The following XRCC6 variants were observed in gnomAD, a reference collection of about 807,000 sequenced individuals.
XRCC6 encodes the protein X-ray repair cross complementing 6.
A neutral mutation model predicts 65.7 loss-of-function variants in XRCC6; 5 were observed. That is an observed-to-expected ratio of 0.08 (90% confidence interval 0.04 to 0.16). XRCC6 has a LOEUF of 0.16. XRCC6 is among the 10% of genes least tolerant of loss of function. The probability of loss-of-function intolerance (pLI) is 1.00; values close to 1 mark genes in which losing one functional copy is unlikely to be tolerated. For missense variants in XRCC6, 447 were observed against 738.1 expected, an observed-to-expected ratio of 0.61 and a Z score of 4.57; for synonymous variants, 270 against 270.6, an observed-to-expected ratio of 1.00 and a Z score of 0.02.
At chr22:41,649,183 T>C (rs2067970334) in intron 7 of XRCC6, among the ~76,000 whole-genome samples, 1 of 145,154 alleles carries the variant, frequency 6.9e-6, no homozygotes, top group Non-Finnish European at 1.5e-5. Flanking sequence ...TGTGTGTGTA[T>C]ATATATATCT....
At chr22:41,658,445 T>C in intron 11 of XRCC6, 93 bp downstream of exon 11, 1 of 1,168,898 alleles carries the variant, frequency 8.6e-7, no homozygotes, top group Non-Finnish European at 1.3e-6. Flanking sequence ...CCCAGTCCTC[T>C]CTAAACACTT....
At chr22:41,663,205 A>C (rs1367147892) in intron 12 of XRCC6, among the ~76,000 whole-genome samples, 1 of 152,198 alleles carries the variant, frequency 6.6e-6, no homozygotes, top group Non-Finnish European at 1.5e-5. Flanking sequence ...CCTGGGCTCG[A>C]GTGATCCTGC....
At chr22:41,634,960 T>C (rs2067794309) in intron 3 of XRCC6, among the ~76,000 whole-genome samples, 1 of 152,224 alleles carries the variant, frequency 6.6e-6, no homozygotes, top group Non-Finnish European at 1.5e-5. Flanking sequence ...TTAAACAGTT[T>C]TATTTCAAGG....
intron 11 of XRCC6, among the ~76,000 whole-genome samples, chr22:41,660,949 G>A (rs773321273): frequency 7.9e-5 from 12 of 151,594 alleles, no homozygotes; most frequent in Non-Finnish European, 1.6e-4. Context: ...CAGGAGAATC[G>A]CTTGAACCAG....
intron 8 of XRCC6, 64 bp from the exon 9 acceptor site, chr22:41,653,465 G>T: frequency 6.8e-7 from 1 of 1,463,786 alleles, no homozygotes; most frequent in Non-Finnish European, 9.2e-7. Context: ...AAACTTTAGG[G>T]CTAAAAGAGA....
At chr22:41,657,228 T>G (rs567138360) in intron 10 of XRCC6, among the ~76,000 whole-genome samples, 196 bp downstream of exon 10, 1 of 152,348 alleles carries the variant, frequency 6.6e-6, no homozygotes, top group South Asian at 2.1e-4. Flanking sequence ...ATTTTGTGGT[T>G]TCTCTGTTGT....
intron 2 of XRCC6, among the ~76,000 whole-genome samples, chr22:41,622,858 T>C (rs2067625390): frequency 6.6e-6 from 1 of 151,090 alleles, no homozygotes; most frequent in Non-Finnish European, 1.5e-5. Flanking sequence ...GGCAGGAGAA[T>C]GGTGCGAACC....
chr22:41,646,251 C>T (rs1032241735), intron 6 of XRCC6, among the ~76,000 whole-genome samples: 12 of 151,326 alleles, frequency 7.9e-5, no homozygotes, highest in Non-Finnish European at 1.3e-4. Flanking sequence ...TGCAGTGAGC[C>T]GAGATCACGC....
Position 41,628,111 on chromosome 22 carries a change from C to T in XRCC6, c.83-7C>T. ...ACAAACATTTTCTTCCATTTTTTTC[C>T]CCATAGGAGACTATAAATATTCAGG... is the stretch of plus-strand genomic sequence containing the variant. On this transcript the variant is annotated splice_region_variant and splice_polypyrimidine_tract_variant and intron_variant, in intron 2 of 12. Coordinates refer to ENST00000360079, the MANE Select transcript of XRCC6 (RefSeq NM_001469.5). 6.3e-7 allele frequency: 1 copy of T among 1,586,338 alleles called. No homozygotes were observed. The highest frequency in any genetic ancestry group is 8.6e-7 in the Non-Finnish European group (1 of 1,164,042).
At chr22:41,648,937 T>C (rs185903369) in intron 7 of XRCC6, among the ~76,000 whole-genome samples, 15 of 151,818 alleles carry the variant, frequency 9.9e-5, no homozygotes, top group East Asian at 1.9e-4. Flanking sequence ...TAAGCTGTTA[T>C]TAGTCACATA....
At chr22:41,639,112 G>T (rs1196733378) in intron 6 of XRCC6, among the ~76,000 whole-genome samples, 1 of 152,108 alleles carries the variant, frequency 6.6e-6, no homozygotes, top group African/African-American at 2.4e-5. Context: ...TGTTAGTGGT[G>T]CATGAGTGTG....
intron 4 of XRCC6, 77 bp downstream of exon 4, chr22:41,636,328 A>G: frequency 6.6e-7 from 1 of 1,519,838 alleles, no homozygotes; most frequent in Non-Finnish European, 8.8e-7. Context: ...ACTGTGGAGA[A>G]GGAAGCAAGT....
At chr22:41,649,170 A>ATG (rs1197239859) in intron 7 of XRCC6, among the ~76,000 whole-genome samples, 7 of 135,828 alleles carry the variant, frequency 5.2e-5, no homozygotes, top group Non-Finnish European at 7.9e-5. Flanking sequence ...ATATGTATGT[A>ATG]TGTGTGTGTG....
At chr22:41,627,521 G>T (rs1317004212) in intron 2 of XRCC6, among the ~76,000 whole-genome samples, 1 of 145,704 alleles carries the variant, frequency 6.9e-6, no homozygotes, top group African/African-American at 2.5e-5. Flanking sequence ...TGAGGCAGGA[G>T]AATCGCTTGA....
chr22:41,641,800 C>CT (rs1232328774), intron 6 of XRCC6, among the ~76,000 whole-genome samples: 2 of 151,290 alleles, frequency 1.3e-5, no homozygotes, highest in African/African-American at 2.4e-5. Context: ...ACAGGATCTC[C>CT]TTTTTTTTTG....
intron 3 of XRCC6, among the ~76,000 whole-genome samples, chr22:41,634,945 G>A (rs902725086): frequency 1.3e-5 from 2 of 152,100 alleles, no homozygotes; most frequent in Admixed American, 6.6e-5. Flanking sequence ...TCTTTAACTG[G>A]GTAGTTAAAC....
intron 11 of XRCC6, 96 bp from the exon 12 acceptor site, chr22:41,661,235 G>A: frequency 9.8e-7 from 1 of 1,021,408 alleles, no homozygotes; most frequent in African/African-American, 1.6e-5. Flanking sequence ...TAGCAGTTAG[G>A]TGCTCTCTCT....
intron 3 of XRCC6, among the ~76,000 whole-genome samples, chr22:41,633,019 C>T (rs2067772297): frequency 6.6e-6 from 1 of 151,802 alleles, no homozygotes; most frequent in African/African-American, 2.4e-5. Flanking sequence ...CTCAGCTACT[C>T]CAGAGGCTGA....
At chr22:41,642,205 T>C (rs1028254715) in intron 6 of XRCC6, among the ~76,000 whole-genome samples, 1 of 152,140 alleles carries the variant, frequency 6.6e-6, no homozygotes, top group Admixed American at 6.5e-5. Flanking sequence ...TTTCCTTTCT[T>C]TGGGGTGTAT....
Sources: allele counts gnomAD v4.1 joint callset (sites outside exome capture counted in the v4.1 genomes callset), GRCh38; gene constraint gnomAD v4.1.1; transcripts MANE v1.5; gene names NCBI Gene and HGNC (gene_info 2026-07-23, HGNC 2026-07-21).